Variants in DOCK1 observed in about 807,000 individuals in gnomAD.
DOCK1 encodes dedicator of cytokinesis protein 1.
Under a neutral mutation model 262.7 loss-of-function variants are expected in DOCK1, and 138 were observed. That is an observed-to-expected ratio of 0.53 (90% CI 0.46 to 0.61). The LOEUF (loss-of-function observed/expected upper bound fraction) is 0.61. DOCK1 is among the 20% of genes least tolerant of loss of function. The pLI, the probability that DOCK1 is intolerant of heterozygous loss-of-function variation, is 0.00. For synonymous variants in DOCK1, 866 were observed against 867.4 expected (o/e 1.00, Z 0.03); for missense variants, 1,908 against 2,370.7 (o/e 0.80, Z 4.05).
chr10:127,070,373 C>T lies in DOCK1; in HGVS notation c.2445+8597C>T, dbSNP rs2046155055. Among the ~76,000 whole-genome samples, 3 of 150,548 alleles carry T rather than the reference C, an allele frequency of 2.0e-5. No individual in the cohort carries two copies. The South Asian group carries it at 6.4e-4, about 32-fold the overall frequency. ...GGTTCAAACGATTCTCCTGCCTCAGCCTCCCGAGTAGCTGGGATTATAGGC... is the reference window on the plus strand; with the variant it reads ...GGTTCAAACGATTCTCCTGCCTCAGTCTCCCGAGTAGCTGGGATTATAGGC... On this transcript the variant is annotated intron_variant, in intron 23 of 51. Transcript: ENST00000623213.
chr10:127,183,939 C>CT (rs1318073852), intron 27 of DOCK1, among the ~76,000 whole-genome samples: 1 of 152,132 alleles, frequency 6.6e-6, no homozygotes, highest in Non-Finnish European at 1.5e-5. Context: ...TAAGTAGCTA[C>CT]TTTTTAAAAA....
At chr10:127,044,683 T>A (rs902003157) in intron 21 of DOCK1, among the ~76,000 whole-genome samples, 3 of 152,106 alleles carry the variant, frequency 2.0e-5, no homozygotes, top group African/African-American at 7.2e-5. Flanking sequence ...TTAGGCTCCG[T>A]GCTTGAATTT....
At chr10:127,381,422 TATTC>T in intron 37 of DOCK1, 54 bp downstream of exon 37, 1 of 1,525,430 alleles carries the variant, frequency 6.6e-7, no homozygotes, top group Non-Finnish European at 9.0e-7. Flanking sequence ...ATTCTAACAA[TATTC>T]AGAATTGTAT....
chr10:127,190,590 TA>T (rs2056650051), intron 27 of DOCK1, among the ~76,000 whole-genome samples: 1 of 143,946 alleles, frequency 6.9e-6, no homozygotes, highest in Non-Finnish European at 1.5e-5. Context: ...ACGTAAGAGA[TA>T]ATGAAAAACT....
chr10:126,916,374 A>G (rs116812318), intron 1 of DOCK1, among the ~76,000 whole-genome samples: 2 of 152,232 alleles, frequency 1.3e-5, no homozygotes, highest in African/African-American at 4.8e-5. Context: ...ACAGTGTGGC[A>G]TTGTGAGTTT....
chr10:127,121,455 ATGTGTGTGTGTG>A (rs59477974), intron 25 of DOCK1, among the ~76,000 whole-genome samples: 1 of 148,260 alleles, frequency 6.7e-6, no homozygotes, highest in Non-Finnish European at 1.5e-5. Context: ...GTATATGTAT[ATGTGTGTGTGTG>A]TGTGTGTGTC....
intron 40 of DOCK1, among the ~76,000 whole-genome samples, chr10:127,404,827 G>T (rs1177207932): frequency 1.3e-5 from 2 of 152,110 alleles, no homozygotes; most frequent in South Asian, 4.2e-4. Flanking sequence ...CTGAGATTCT[G>T]CATCCATTAA....
chr10:127,336,555 A>G (rs79347841), intron 29 of DOCK1, among the ~76,000 whole-genome samples: 2 of 139,554 alleles, frequency 1.4e-5, no homozygotes, highest in African/African-American at 2.7e-5. Flanking sequence ...TTTTTTTTTA[A>G]TTTGAGACAA....
intron 1 of DOCK1, among the ~76,000 whole-genome samples, chr10:126,938,649 TG>T (rs1319348665): frequency 6.6e-6 from 1 of 152,140 alleles, no homozygotes; most frequent in African/African-American, 2.4e-5. Flanking sequence ...TTCTGGAGGC[TG>T]GGAAGTCCAA....
chr10:127,031,855 C>A, intron 17 of DOCK1, 102 bp downstream of exon 17: 1 of 1,045,282 alleles, frequency 9.6e-7, no homozygotes, highest in South Asian at 1.5e-5. Context: ...GAGGAAGCTG[C>A]TATCTAGCTA....
At chr10:126,946,062 A>T (rs2035375897) in intron 1 of DOCK1, among the ~76,000 whole-genome samples, 1 of 152,212 alleles carries the variant, frequency 6.6e-6, no homozygotes, top group African/African-American at 2.4e-5. Flanking sequence ...AAAGTCTGCC[A>T]TTCAGTGGTT....
intron 23 of DOCK1, among the ~76,000 whole-genome samples, chr10:127,062,335 C>A (rs2045589709): frequency 6.6e-6 from 1 of 152,148 alleles, no homozygotes; most frequent in Non-Finnish European, 1.5e-5. Flanking sequence ...ACGATGTGAT[C>A]AAATCAGGGT....
intron 27 of DOCK1, among the ~76,000 whole-genome samples, chr10:127,193,211 G>C (rs2056872958): frequency 6.6e-6 from 1 of 152,166 alleles, no homozygotes; most frequent in Non-Finnish European, 1.5e-5. Context: ...AGGGGTTGTG[G>C]TGCTTCACAT....
chr10:127,369,599 C>T (rs891084554), intron 33 of DOCK1, among the ~76,000 whole-genome samples: 1 of 152,238 alleles, frequency 6.6e-6, no homozygotes, highest in African/African-American at 2.4e-5. Flanking sequence ...ACATAAGGAG[C>T]CGCTGCACCT....
At chr10:127,187,345 A>C (rs765742145) in intron 27 of DOCK1, among the ~76,000 whole-genome samples, 1 of 152,218 alleles carries the variant, frequency 6.6e-6, no homozygotes, top group African/African-American at 2.4e-5. Context: ...CATCGTAGTG[A>C]GTAAGCAGTA....
intron 35 of DOCK1, among the ~76,000 whole-genome samples, chr10:127,376,054 A>G (rs926282799): frequency 1.3e-5 from 2 of 152,196 alleles, no homozygotes; most frequent in African/African-American, 2.4e-5. Context: ...AATGCACGCT[A>G]AAGACAAAAA....
chr10:127,352,252 G>A lies in DOCK1; in HGVS notation c.3225-2417G>A, dbSNP rs1209422933. On this transcript the variant is annotated intron_variant, in intron 31 of 51. Coordinates refer to ENST00000623213, the MANE Select transcript of DOCK1 (RefSeq NM_001290223.2). Reference sequence around the variant, plus strand: ...GGGGTGGGGAGGGGTGGGGAGAAGTGGGGAGCATCGGGGAGGGGTGGGGAG... The same window carrying A: ...GGGGTGGGGAGGGGTGGGGAGAAGTAGGGAGCATCGGGGAGGGGTGGGGAG... Among the ~76,000 whole-genome samples the A allele has an allele frequency of 9.9e-4, 90 of 90,656 alleles. 1 individual carries two copies. Among genetic ancestry groups the A allele is most frequent in the African/African-American group, 4.4e-3 (89 of 20,028 alleles). The allele number at this position is 90,656 out of a possible 152,430, so 59.5% of individuals were successfully genotyped here.
Position 127,110,324 on chromosome 10 carries a change from A to G in DOCK1, c.2593A>G (p.Ile865Val). Residue 865 changes from isoleucine to valine, a missense_variant, in exon 25 of 52, where the codon ATC becomes GTC. Physicochemically the swap from Ile to Val is conservative, Grantham distance 29 (BLOSUM62 3). Around this residue, in one of 9 missense-constraint regions of DOCK1, gnomAD observed 518 missense variants for 575.1 expected, o/e 0.90. Coordinates refer to ENST00000623213, the MANE Select transcript of DOCK1 (RefSeq NM_001290223.2). ...TIQKLYCLIE[I>V]VHSDLFTQHD... is the part of the protein sequence containing the mutation. Reference sequence around the variant, plus strand: ...CCAGAAACTCTACTGCTTGATCGAAATCGTCCACAGTGACCTCTTCACACA... The same window carrying G: ...CCAGAAACTCTACTGCTTGATCGAAGTCGTCCACAGTGACCTCTTCACACA... 2 of 1,613,454 alleles carry G rather than the reference A, an allele frequency of 1.2e-6. No individual in the cohort carries two copies. Among genetic ancestry groups the G allele is most frequent in the Non-Finnish European group, 1.7e-6 (2 of 1,179,702 alleles).
chr10:127,122,679 T>C (rs2049679365), intron 25 of DOCK1, among the ~76,000 whole-genome samples: 1 of 151,774 alleles, frequency 6.6e-6, no homozygotes, highest in Admixed American at 6.6e-5. Flanking sequence ...ATGAAATGTC[T>C]GTATTGGGAC....
Sources: gnomAD v4.1 joint callset for allele counts (sites outside exome capture counted in the v4.1 genomes callset) on GRCh38, gnomAD v4.1.1 for gene constraint, gnomAD v4.1.1 regional missense constraint, MANE v1.5 for transcripts, NCBI Gene and HGNC (gene_info 2026-07-23, HGNC 2026-07-21) for gene names.